Variants in PCDHGA5 observed in about 807,000 individuals in gnomAD.
PCDHGA5 encodes protocadherin gamma subfamily A, 5.
Under a neutral mutation model 56.7 loss-of-function variants are expected in PCDHGA5, and 36 were observed. The ratio of observed to expected loss-of-function variants is 0.64; its 90% CI spans 0.49 to 0.84. PCDHGA5 has a LOEUF of 0.84. Ranked by LOEUF, PCDHGA5 falls within the 40% of genes least tolerant of loss-of-function variation. PCDHGA5 has a pLI of 0.00. For synonymous variants in PCDHGA5, 563 were observed against 520.2 expected (o/e 1.08, Z -1.12); for missense variants, 1,305 against 1,201.5 (o/e 1.09, Z -1.27).
intron 1 of PCDHGA5, chr5:141,422,727 G>T (rs373180311): frequency 6.3e-5 from 102 of 1,606,434 alleles, no homozygotes; most frequent in Non-Finnish European, 2.0e-5. Context: ...TCCAGGGGGT[G>T]CCTCTGTCCT....
chr5:141,399,799 G>A lies in PCDHGA5; in HGVS notation c.2421+33048G>A, dbSNP rs768345936. The A allele has an allele frequency of 8.7e-6, 14 of 1,613,236 alleles. No homozygotes were observed. The South Asian group carries it at 1.5e-4, about 18-fold the overall frequency. On this transcript the variant is annotated intron_variant, in intron 1 of 3. Transcript: ENST00000518069. The stretch of plus-strand genomic sequence containing the variant: ...CGACCGAAACGACAACGCACCGCGG[G>A]TGCTGTACCCCGCGCTGGGTCCCGA...
chr5:141,419,240 G>A lies in PCDHGA5; in HGVS notation c.2421+52489G>A, dbSNP rs753956971. On this transcript the variant is annotated intron_variant, in intron 1 of 3. Coordinates refer to ENST00000518069, the MANE Select transcript of PCDHGA5 (RefSeq NM_018918.3). ...CGGACAGTCAGCCTACCTGGTCCAC[G>A]TGCCAGAAAACAACCAGCCGGGTGC... is the stretch of plus-strand genomic sequence containing the variant. 6.8e-6 allele frequency: 11 copies of A among 1,613,862 alleles called. No individual in the cohort carries two copies. The highest frequency in any genetic ancestry group is 1.7e-5 in the Admixed American group (1 of 60,018).
intron 1 of PCDHGA5, chr5:141,405,445 A>G: frequency 7.3e-7 from 1 of 1,360,898 alleles, no homozygotes; most frequent in Non-Finnish European, 1.0e-6. Context: ...TTTGAGACAG[A>G]GTCTTACTCT....
rs1373678836 is a variant in PCDHGA5, at chr5:141,477,459, C to T, written c.2422-17348C>T. 6.2e-7 allele frequency: 1 copy of T among 1,614,186 alleles called. No homozygotes were observed. The highest frequency in any genetic ancestry group is 8.5e-7 in the Non-Finnish European group (1 of 1,180,034). On this transcript the variant is annotated intron_variant, in intron 1 of 3. Coordinates refer to ENST00000518069, the MANE Select transcript of PCDHGA5 (RefSeq NM_018918.3). This position sits in a 1 kb window ranked among gnomAD's most constrained non-coding sequence, Gnocchi z 4.9. ...CTTACAATAGTGCGTGTTCAAGTGTCCGACATCAATGACAACCCTCCACAA... is the reference window on the plus strand; with the variant it reads ...CTTACAATAGTGCGTGTTCAAGTGTTCGACATCAATGACAACCCTCCACAA...
chr5:141,417,842 C>G (rs1247720013), intron 1 of PCDHGA5: 2 of 1,537,166 alleles, frequency 1.3e-6, no homozygotes, highest in Admixed American at 2.0e-5. Flanking sequence ...GGGGACCCAG[C>G]GAGAACCCGA....
rs1021096537 is a variant in PCDHGA5, at chr5:141,511,383, T to C, written c.*210T>C. 2 of 1,155,330 alleles carry C rather than the reference T, an allele frequency of 1.7e-6. No homozygotes were observed. Among genetic ancestry groups the C allele is most frequent in the Non-Finnish European group, 2.4e-6 (2 of 841,000 alleles). The allele number at this position is 1,155,330 out of a possible 1,614,324, so 71.6% of individuals were successfully genotyped here. ...GTTGAATATGCAAAAGCAGTTCCGC[T>C]GGGAACCCCCATCCAATCAACTGCT... is the stretch of plus-strand genomic sequence containing the variant. On this transcript the variant is annotated 3_prime_UTR_variant, in exon 4 of 4. Transcript: ENST00000518069.
intron 1 of PCDHGA5, among the ~76,000 whole-genome samples, chr5:141,387,456 T>C (rs1444030980): frequency 6.6e-6 from 1 of 152,246 alleles, no homozygotes; most frequent in Non-Finnish European, 1.5e-5. Context: ...ATGATTTGCC[T>C]AAAAATCCTC....
Position 141,477,968 on chromosome 5 carries a change from C to T in PCDHGA5, c.2422-16839C>T. 6.2e-7 allele frequency: 1 copy of T among 1,614,140 alleles called. No individual in the cohort carries two copies. Among genetic ancestry groups the T allele is most frequent in the Non-Finnish European group, 8.5e-7 (1 of 1,180,042 alleles). The stretch of plus-strand genomic sequence containing the variant: ...TCTCTTGGGATCCCCTAACCAGAGC[C>T]TTTTTGCCATAGGGCTGCACACTGG... On this transcript the variant is annotated intron_variant, in intron 1 of 3. Transcript: ENST00000518069. The surrounding 1 kb of genome is among the most constrained non-coding windows in gnomAD (Gnocchi z 4.9).
chr5:141,420,191 CAAGAT>C, intron 1 of PCDHGA5: 1 of 1,613,720 alleles, frequency 6.2e-7, no homozygotes, highest in Non-Finnish European at 8.5e-7. Context: ...TCCAGCCACA[CAAGAT>C]AACCTCAACA....
At chr5:141,409,429 C>T (rs767514268) in intron 1 of PCDHGA5, 3 of 1,613,872 alleles carry the variant, frequency 1.9e-6, no homozygotes, top group African/African-American at 1.3e-5. Flanking sequence ...CAGATGGAGC[C>T]CTGGACCGAG....
In PCDHGA5 at chr5:141,491,623, G is replaced by C; in HGVS notation, c.2422-3184G>C. On this transcript the variant is annotated intron_variant, in intron 1 of 3. Coordinates refer to ENST00000518069, the MANE Select transcript of PCDHGA5 (RefSeq NM_018918.3). The surrounding 1 kb of genome is among the most constrained non-coding windows in gnomAD (Gnocchi z 6.9). ...CTTCACTTTTCTAAGACCCCTCAGC[G>C]TTCAGCAGCCCACAGCTCTGGCGCT... 1 of 1,613,930 alleles carries C rather than the reference G, an allele frequency of 6.2e-7. No individual in the cohort carries two copies. Among genetic ancestry groups the C allele is most frequent in the Non-Finnish European group, 8.5e-7 (1 of 1,180,020 alleles).
At chr5:141,378,196 A>T (rs1197830416) in intron 1 of PCDHGA5, 1 of 152,188 alleles carries the variant, frequency 6.6e-6, no homozygotes, top group Non-Finnish European at 1.5e-5. Flanking sequence ...TGCCTACTAC[A>T]GTGTCTTTTG....
At chr5:141,469,104 C>G (rs1046234848) in intron 1 of PCDHGA5, among the ~76,000 whole-genome samples, 3 of 151,760 alleles carry the variant, frequency 2.0e-5, no homozygotes, top group Middle Eastern at 3.2e-3. Flanking sequence ...AAGCAAGAAC[C>G]TGTCTCTAAA....
Position 141,493,359 on chromosome 5 carries a change from G to A in PCDHGA5, c.2422-1448G>A, listed in dbSNP as rs956980110. Among the ~76,000 whole-genome samples the A allele has an allele frequency of 2.6e-5, 4 of 152,148 alleles. No homozygotes were observed. The highest frequency in any genetic ancestry group is 9.7e-5 in the African/African-American group (4 of 41,418). ...CCAGAATGTGTGCTTTTAATTTCTT[G>A]GCACTTGGAACTTTAAAAGCTTGAG... On this transcript the variant is annotated intron_variant, in intron 1 of 3. Transcript: ENST00000518069. This position sits in a 1 kb window ranked among gnomAD's most constrained non-coding sequence, Gnocchi z 4.3.
At chr5:141,386,997 C>T (rs1001565782) in intron 1 of PCDHGA5, among the ~76,000 whole-genome samples, 2 of 152,070 alleles carry the variant, frequency 1.3e-5, no homozygotes, top group African/African-American at 4.8e-5. Context: ...ATGTATTATC[C>T]CCCTGATAAC....
At chr5:141,507,557 C>T (rs959957585) in intron 3 of PCDHGA5, among the ~76,000 whole-genome samples, 5 of 152,250 alleles carry the variant, frequency 3.3e-5, no homozygotes, top group Middle Eastern at 3.4e-3. Flanking sequence ...AAGTGGCAGG[C>T]GGCTGGGTCT....
intron 1 of PCDHGA5, chr5:141,371,239 T>C (rs1319098085): frequency 6.2e-7 from 1 of 1,614,010 alleles, no homozygotes. Flanking sequence ...TATGCCTTCA[T>C]CAATATTGGC....
chr5:141,387,614 T>C (rs2091011587), intron 1 of PCDHGA5: 9 of 565,798 alleles, frequency 1.6e-5, no homozygotes, highest in Non-Finnish European at 2.8e-5. Flanking sequence ...TGTAGTTTCC[T>C]AGTGCTGACT....
At chr5:141,368,717 A>C (rs1429759647) in intron 1 of PCDHGA5, among the ~76,000 whole-genome samples, 2 of 152,218 alleles carry the variant, frequency 1.3e-5, no homozygotes, top group Non-Finnish European at 2.9e-5. Flanking sequence ...TACATTTTGA[A>C]TGTATGTACT....
Sources: allele counts gnomAD v4.1 joint callset (sites outside exome capture counted in the v4.1 genomes callset), GRCh38; gene constraint gnomAD v4.1.1; non-coding constraint Gnocchi (gnomAD v3.1); transcripts MANE v1.5; gene names NCBI Gene and HGNC (gene_info 2026-07-23, HGNC 2026-07-21).